The following ZNF503 variants were observed in gnomAD, a reference collection of about 807,000 sequenced individuals.
ZNF503 encodes zinc finger protein 503, also known as NocA-like zinc finger 2.
ZNF503 carries 15 observed loss-of-function variants against 34.4 expected under a neutral mutation model. The observed-to-expected ratio is 0.44, with a 90% CI of 0.29 to 0.67. ZNF503 has a LOEUF of 0.67. Ranked by LOEUF, ZNF503 falls within the 30% of genes least tolerant of loss-of-function variation. The pLI is 0.13. For synonymous variants in ZNF503, 580 were observed against 456.8 expected (o/e 1.27, Z -3.44); for missense variants, 1,007 against 926.8 (o/e 1.09, Z -1.12).
chr10:75,298,487 A>G, the ZNF503 span, among the ~76,000 whole-genome samples: 1 of 152,306 alleles, frequency 6.6e-6, no homozygotes, highest in South Asian at 2.1e-4. Context: ...ACTCAGTATA[A>G]TGTTTTCAAG....
chr10:75,396,035 C>A (rs908105493), downstream of ZNF503, among the ~76,000 whole-genome samples: 2 of 152,084 alleles, frequency 1.3e-5, no homozygotes, highest in African/African-American at 4.8e-5. The surrounding 1 kb of genome is among the most constrained non-coding windows in gnomAD (Gnocchi z 4.4). Flanking sequence ...AGCGCGTGGC[C>A]GCTGCTGGTG....
At chr10:75,300,407 A>G in the ZNF503 span, among the ~76,000 whole-genome samples, 3 of 152,210 alleles carry the variant, frequency 2.0e-5, no homozygotes, top group Admixed American at 6.5e-5. Context: ...CTGAGGCGAC[A>G]TACATCCTCC....
Position 75,400,498 on chromosome 10 carries a change from A to G in ZNF503, c.316-124T>C, listed in dbSNP as rs533009176. 7 of 1,435,306 alleles carry G rather than the reference A, an allele frequency of 4.9e-6. No individual in the cohort carries two copies. In the African/African-American group the frequency reaches 7.2e-5, roughly 15 times the overall value. The allele number at this position is 1,435,306 out of a possible 1,614,324, so 88.9% of individuals were successfully genotyped here. A position where few individuals can be genotyped will look rare whatever the true frequency, so the allele number is the denominator to read the frequency against. On this transcript the variant is annotated intron_variant, in intron 1 of 1. Transcript: ENST00000372524. The stretch of plus-strand genomic sequence containing the variant: ...GCCCACGAAGATCCTCCCAGCCCCA[A>G]GGCGCAATTCTAGGCGGCACCCCCT...
the ZNF503 span, among the ~76,000 whole-genome samples, chr10:75,308,195 CTTT>C: frequency 3.0e-5 from 4 of 133,254 alleles, no homozygotes; most frequent in Non-Finnish European, 4.7e-5. Flanking sequence ...GACAATACAT[CTTT>C]TTTTTTTTTT....
chr10:75,319,657 T>C, the ZNF503 span, among the ~76,000 whole-genome samples: 5 of 152,208 alleles, frequency 3.3e-5, no homozygotes, highest in Non-Finnish European at 5.9e-5. Flanking sequence ...AATTACATTA[T>C]ATATAAATGG....
At chr10:75,341,384 A>G in the ZNF503 span, among the ~76,000 whole-genome samples, 1 of 152,242 alleles carries the variant, frequency 6.6e-6, no homozygotes. Context: ...GAAAATATAA[A>G]TAAAAATGTT....
At chr10:75,332,783 G>C in the ZNF503 span, among the ~76,000 whole-genome samples, 2 of 146,270 alleles carry the variant, frequency 1.4e-5, no homozygotes, top group African/African-American at 5.1e-5. Context: ...AGAGAGCACC[G>C]GGTTGGGGGT....
At chr10:75,397,234 C>T (rs1264409631), downstream of ZNF503, among the ~76,000 whole-genome samples, 2 of 152,048 alleles carry the variant, frequency 1.3e-5, no homozygotes, top group Non-Finnish European at 2.9e-5. Flanking sequence ...GGGGTGAGGG[C>T]GAGGGTTGCG....
the ZNF503 span, among the ~76,000 whole-genome samples, chr10:75,322,476 T>A: frequency 1.3e-5 from 2 of 152,252 alleles, no homozygotes; most frequent in African/African-American, 4.8e-5. Flanking sequence ...ATCGTTTTCA[T>A]GTATATTAGT....
At chr10:75,282,131 G>A in the ZNF503 span, among the ~76,000 whole-genome samples, 59 of 152,334 alleles carry the variant, frequency 3.9e-4, no homozygotes, top group African/African-American at 1.4e-3. Context: ...AAAGATCAAG[G>A]GCCCTCTGGC....
chr10:75,344,240 G>T, the ZNF503 span, among the ~76,000 whole-genome samples: 5 of 152,218 alleles, frequency 3.3e-5, no homozygotes, highest in Non-Finnish European at 2.9e-5. Context: ...GCTGGGAAGG[G>T]GCCCTGGGGC....
At chr10:75,339,457 C>T in the ZNF503 span, among the ~76,000 whole-genome samples, 25,381 of 152,176 alleles carry the variant, frequency 0.17, 2,388 homozygotes, top group South Asian at 0.25. Context: ...GCCTCCAAAA[C>T]ACTTATTAGC....
chr10:75,319,726 A>G, the ZNF503 span, among the ~76,000 whole-genome samples: 1 of 152,232 alleles, frequency 6.6e-6, no homozygotes, highest in Admixed American at 6.5e-5. Context: ...TTAGGCAACT[A>G]TGTGCTGTAT....
At chr10:75,297,124 T>A in the ZNF503 span, among the ~76,000 whole-genome samples, 2 of 152,300 alleles carry the variant, frequency 1.3e-5, no homozygotes, top group South Asian at 4.1e-4. Flanking sequence ...TGATTTTATC[T>A]GTGTTTATTT....
the ZNF503 span, among the ~76,000 whole-genome samples, chr10:75,384,887 C>T: frequency 6.6e-6 from 1 of 152,228 alleles, no homozygotes; most frequent in Non-Finnish European, 1.5e-5. Context: ...CCTCGCTGAC[C>T]TTCATCCCTC....
At chr10:75,383,984 A>G in the ZNF503 span, among the ~76,000 whole-genome samples, 1 of 152,160 alleles carries the variant, frequency 6.6e-6, no homozygotes, top group Non-Finnish European at 1.5e-5. Context: ...TCATCAGTCC[A>G]TTCTTCAAAG....
At chr10:75,329,438 T>TCCTTCCTTC in the ZNF503 span, among the ~76,000 whole-genome samples, 1 of 89,602 alleles carries the variant, frequency 1.1e-5, no homozygotes, top group African/African-American at 4.1e-5. Context: ...TTCCTTCCTT[T>TCCTTCCTTC]CTTTCTTTCT....
the ZNF503 span, among the ~76,000 whole-genome samples, chr10:75,372,394 T>C: frequency 6.6e-6 from 1 of 152,240 alleles, no homozygotes; most frequent in Non-Finnish European, 1.5e-5. Flanking sequence ...GTGACATTTG[T>C]ACTGAGCATT....
At chr10:75,332,166 T>C in the ZNF503 span, among the ~76,000 whole-genome samples, 1 of 152,116 alleles carries the variant, frequency 6.6e-6, no homozygotes, top group East Asian at 1.9e-4. Flanking sequence ...ATTTTTTGAA[T>C]TAGTGGCTCG....
Sources: allele counts gnomAD v4.1 joint callset (sites outside exome capture counted in the v4.1 genomes callset), GRCh38; gene constraint gnomAD v4.1.1; non-coding constraint Gnocchi (gnomAD v3.1); transcripts MANE v1.5; gene names NCBI Gene and HGNC (gene_info 2026-07-23, HGNC 2026-07-21).